The following TNPO3 variants were observed in gnomAD, a reference collection of about 807,000 sequenced individuals.
TNPO3 encodes transportin-3.
In TNPO3, 65 loss-of-function variants were observed where a neutral mutation model predicts 122.8. The ratio of observed to expected loss-of-function variants is 0.53; its 90% CI spans 0.43 to 0.65. The LOEUF is 0.65. Ranked by LOEUF, TNPO3 falls within the 30% of genes least tolerant of loss-of-function variation. The probability of loss-of-function intolerance (pLI) is 0.00; values close to 1 mark genes in which losing one functional copy is unlikely to be tolerated. For missense variants in TNPO3, 850 were observed against 1,136.7 expected (o/e 0.75, Z 3.63); for synonymous variants, 372 against 411.2 (o/e 0.90, Z 1.15).
chr7:128,964,306 C>T (rs1385822142), intron 21 of TNPO3, among the ~76,000 whole-genome samples: 2 of 148,962 alleles, frequency 1.3e-5, no homozygotes, highest in African/African-American at 4.9e-5. Context: ...TATGGAATTT[C>T]AAGGGTCCCC....
At chr7:129,053,510 AAAAAGGCAAAG>A (rs1809063803) in intron 1 of TNPO3, among the ~76,000 whole-genome samples, 1 of 151,812 alleles carries the variant, frequency 6.6e-6, no homozygotes, top group Non-Finnish European at 1.5e-5. Context: ...AAAAAAAAAA[AAAAAGGCAAAG>A]TTGCTCCATA....
At chr7:129,011,213 T>C (rs1803150868) in intron 4 of TNPO3, among the ~76,000 whole-genome samples, 2 of 152,224 alleles carry the variant, frequency 1.3e-5, no homozygotes, top group Admixed American at 6.5e-5. Context: ...GATAATTCTA[T>C]AAAATGACTG....
At chr7:128,981,487 T>TGAAA (rs2150323201) in intron 14 of TNPO3, among the ~76,000 whole-genome samples, 1 of 152,318 alleles carries the variant, frequency 6.6e-6, no homozygotes, top group East Asian at 1.9e-4. Context: ...GCGATGGTTC[T>TGAAA]GAAAGTATGG....
intron 1 of TNPO3, among the ~76,000 whole-genome samples, chr7:129,031,021 T>C (rs1228619082): frequency 1.3e-5 from 2 of 152,232 alleles, no homozygotes; most frequent in Non-Finnish European, 2.9e-5. Context: ...CAGTGGCTCA[T>C]GCCTGTTAAT....
At chr7:128,994,446 C>G (rs1337369267) in intron 8 of TNPO3, among the ~76,000 whole-genome samples, 1 of 151,976 alleles carries the variant, frequency 6.6e-6, no homozygotes, top group Admixed American at 6.6e-5. Flanking sequence ...AGCCGGCATG[C>G]CCTGCTGTGT....
intron 1 of TNPO3, among the ~76,000 whole-genome samples, chr7:129,027,558 C>CAAAAAAAAA (rs71162549): frequency 4.5e-4 from 4 of 8,968 alleles, no homozygotes; most frequent in African/African-American, 9.3e-4. Flanking sequence ...AAGACTGTCT[C>CAAAAAAAAA]AAAAAAAAAA....
chr7:128,968,104 A>C (rs1372664963), intron 20 of TNPO3, among the ~76,000 whole-genome samples: 2 of 152,186 alleles, frequency 1.3e-5, no homozygotes, highest in African/African-American at 4.8e-5. Context: ...AGTGATCCAG[A>C]GTAAAGGTTC....
At chr7:129,013,989 C>T (rs1384529971) in intron 4 of TNPO3, among the ~76,000 whole-genome samples, 1 of 151,952 alleles carries the variant, frequency 6.6e-6, no homozygotes, top group Non-Finnish European at 1.5e-5. Context: ...GAGGGGACGA[C>T]CAAGAAAGGT....
intron 21 of TNPO3, among the ~76,000 whole-genome samples, chr7:128,962,482 C>A (rs971617402): frequency 2.0e-5 from 3 of 151,922 alleles, no homozygotes; most frequent in African/African-American, 7.3e-5. Flanking sequence ...GCCAGAATGG[C>A]AAACAAAGTA....
intron 18 of TNPO3, among the ~76,000 whole-genome samples, chr7:128,973,071 A>C (rs938390467): frequency 6.6e-6 from 1 of 152,180 alleles, no homozygotes; most frequent in African/African-American, 2.4e-5. Flanking sequence ...ATTTCCAACT[A>C]AGATTTTATA....
chr7:128,974,002 C>T (rs991937220), intron 18 of TNPO3, among the ~76,000 whole-genome samples: 2 of 151,294 alleles, frequency 1.3e-5, no homozygotes, highest in African/African-American at 4.9e-5. Flanking sequence ...GGCAAAACCC[C>T]GTCTCTACTA....
rs377292604 is a variant in TNPO3, at chr7:128,957,670, C to A, written c.2712-355G>T. On this transcript the variant is annotated intron_variant, in intron 21 of 22. Transcript: ENST00000265388. ...CTGTTTAGAGGATTAAAATCGTCCA[C>A]ATACAGAGTGCTTATGAAAATAGAG... Among the ~76,000 whole-genome samples the A allele has an allele frequency of 1.9e-4, 29 of 152,284 alleles. 1 individual carries two copies. Among genetic ancestry groups the A allele is most frequent in the East Asian group, 1.7e-3 (9 of 5,192 alleles).
chr7:128,955,818 G>A (rs1285225129), intron 22 of TNPO3, among the ~76,000 whole-genome samples: 3 of 152,214 alleles, frequency 2.0e-5, no homozygotes, highest in Non-Finnish European at 4.4e-5. Flanking sequence ...AGATGCTATC[G>A]AAAGGATACT....
At chr7:128,971,471 G>A (rs1443439775) in intron 19 of TNPO3, among the ~76,000 whole-genome samples, 1 of 152,154 alleles carries the variant, frequency 6.6e-6, no homozygotes, top group East Asian at 1.9e-4. Flanking sequence ...AAATACACAT[G>A]TATTTCTAAT....
chr7:129,054,338 C>T (rs1414091900), intron 1 of TNPO3, among the ~76,000 whole-genome samples: 3 of 152,062 alleles, frequency 2.0e-5, no homozygotes, highest in African/African-American at 7.3e-5. Context: ...GAAGACAAAA[C>T]GGAAAAGCAC....
At chr7:128,959,094 A>G (rs1289700116) in intron 21 of TNPO3, among the ~76,000 whole-genome samples, 2 of 152,242 alleles carry the variant, frequency 1.3e-5, no homozygotes, top group Admixed American at 1.3e-4. Context: ...CTTCAATTTA[A>G]GTGTTACATT....
At chr7:129,031,001 G>C (rs982050739) in intron 1 of TNPO3, among the ~76,000 whole-genome samples, 2 of 152,162 alleles carry the variant, frequency 1.3e-5, no homozygotes, top group Admixed American at 6.5e-5. Flanking sequence ...AAATAAGAGA[G>C]AGCCGGGTGC....
intron 1 of TNPO3, among the ~76,000 whole-genome samples, chr7:129,022,525 A>G (rs1211266968): frequency 6.6e-6 from 1 of 152,078 alleles, no homozygotes; most frequent in African/African-American, 2.4e-5. Flanking sequence ...ACATGAAACT[A>G]TACATTGAAA....
chr7:128,958,238 G>C (rs187965443), intron 21 of TNPO3, among the ~76,000 whole-genome samples: 191 of 138,996 alleles, frequency 1.4e-3, no homozygotes, highest in African/African-American at 5.0e-3. Context: ...CCGCCTCCCA[G>C]GTTCAAGCGA....
Sources: allele counts gnomAD v4.1 joint callset (sites outside exome capture counted in the v4.1 genomes callset), GRCh38; gene constraint gnomAD v4.1.1; transcripts MANE v1.5; gene names NCBI Gene and HGNC (gene_info 2026-07-23, HGNC 2026-07-21).